The following GATAD2B variants were observed in gnomAD, a reference collection of about 807,000 sequenced individuals.
The protein encoded by GATAD2B is GATA zinc finger domain containing 2B.
In GATAD2B, 8 loss-of-function variants were observed where a neutral mutation model predicts 64.3. The observed-to-expected ratio is 0.12, with a 90% confidence interval of 0.07 to 0.22. The LOEUF (loss-of-function observed/expected upper bound fraction) is 0.22. Ranked by LOEUF, GATAD2B falls within the 10% of genes least tolerant of loss-of-function variation. GATAD2B has a pLI of 1.00. For missense variants in GATAD2B, 453 were observed against 752.0 expected, an observed-to-expected ratio of 0.60 and a Z score of 4.65; for synonymous variants, 281 against 271.3, an observed-to-expected ratio of 1.04 and a Z score of -0.35.
At chr1:153,861,389 C>T (rs896935547) in intron 1 of GATAD2B, among the ~76,000 whole-genome samples, 6 of 151,364 alleles carry the variant, frequency 4.0e-5, no homozygotes, top group South Asian at 4.2e-4. Context: ...CTGTGCCTCC[C>T]ACCCCGGGCC....
chr1:153,879,131 G>C (rs1676930276), intron 1 of GATAD2B, among the ~76,000 whole-genome samples: 1 of 152,156 alleles, frequency 6.6e-6, no homozygotes, highest in African/African-American at 2.4e-5. Context: ...AGTAAAGACA[G>C]GGTTTCACTG....
chr1:153,877,861 G>A (rs946756813), intron 1 of GATAD2B, among the ~76,000 whole-genome samples: 8 of 143,826 alleles, frequency 5.6e-5, no homozygotes, highest in Non-Finnish European at 1.2e-4. Flanking sequence ...CTGGGCAACA[G>A]AGTGAGACTC....
intron 1 of GATAD2B, among the ~76,000 whole-genome samples, chr1:153,882,044 A>G (rs1677027092): frequency 6.6e-6 from 1 of 152,124 alleles, no homozygotes; most frequent in Admixed American, 6.6e-5. Context: ...CGGGGACAGG[A>G]GGGAGGGAGA....
chr1:153,864,036 GTAA>G (rs1329094011), intron 1 of GATAD2B, among the ~76,000 whole-genome samples: 1 of 152,184 alleles, frequency 6.6e-6, no homozygotes, highest in African/African-American at 2.4e-5. Flanking sequence ...TACCATGGAA[GTAA>G]TAATAATAGG....
chr1:153,907,125 G>A (rs1677967087), intron 1 of GATAD2B, among the ~76,000 whole-genome samples: 1 of 152,176 alleles, frequency 6.6e-6, no homozygotes, highest in Non-Finnish European at 1.5e-5. Context: ...GAATTATCAT[G>A]ATCTAACAAT....
chr1:153,828,455 T>TACACACACACACACAC (rs71093290), intron 1 of GATAD2B, 107 bp from the exon 2 acceptor site: 4 of 584,302 alleles, frequency 6.8e-6, no homozygotes, highest in African/African-American at 5.8e-5. Context: ...CTCTCACACA[T>TACACACACACACACAC]ACACACACAC....
In GATAD2B at chr1:153,828,050, T is replaced by C. The variant is rs776332156; in HGVS notation, c.298A>G (p.Ile100Val). The change falls in exon 2 of 11, where the codon ATC becomes GTC. Residue 100 changes from isoleucine to valine, a missense_variant. Ile to Val is a conservative substitution (Grantham distance 29). Transcript: ENST00000368655. Reference sequence around the variant, plus strand: ...CTCATATCCACAGGCTCATCATTGATGTTTTCTTTGCCTGGCCTTCCAGCA... The same window carrying C: ...CTCATATCCACAGGCTCATCATTGACGTTTTCTTTGCCTGGCCTTCCAGCA... ...RTAGRPGKEN[I>V]NDEPVDMSAR... 3.7e-6 allele frequency: 6 copies of C among 1,614,188 alleles called. No homozygotes were observed. The highest frequency in any genetic ancestry group is 3.3e-5 in the Admixed American group (2 of 60,004).
intron 1 of GATAD2B, among the ~76,000 whole-genome samples, chr1:153,902,824 C>T (rs1043358717): frequency 1.3e-5 from 2 of 152,152 alleles, no homozygotes; most frequent in African/African-American, 4.8e-5. Context: ...TTTATATCCT[C>T]TAACGTACCT....
In GATAD2B at chr1:153,852,294, G is replaced by C. The variant is rs187537662; in HGVS notation, c.-1-23946C>G. ...CATTTTCTGCAGCTGCCCCTTGCTA[G>C]AAGTGGAGGCTGTCAGACACTTCCT... On this transcript the variant is annotated intron_variant, in intron 1 of 10. Transcript: ENST00000368655. 2.6e-4 allele frequency: 286 copies of C among 1,116,102 alleles called. No homozygotes were observed. In the East Asian group the frequency reaches 4.0e-3, roughly 16 times the overall value. The allele number at this position is 1,116,102 out of a possible 1,614,324, so 69.1% of individuals were successfully genotyped here. A position where few individuals can be genotyped will look rare whatever the true frequency, so the allele number is the denominator to read the frequency against.
At chr1:153,911,949 A>G (rs1678121156) in intron 1 of GATAD2B, among the ~76,000 whole-genome samples, 1 of 152,136 alleles carries the variant, frequency 6.6e-6, no homozygotes, top group Non-Finnish European at 1.5e-5. Flanking sequence ...CTACATTTTA[A>G]TTTTTCTATT....
intron 1 of GATAD2B, among the ~76,000 whole-genome samples, chr1:153,831,219 G>T (rs1225317512): frequency 6.6e-6 from 1 of 152,142 alleles, no homozygotes; most frequent in Non-Finnish European, 1.5e-5. Flanking sequence ...ATCAATCTCA[G>T]CAAACTAACA....
At chr1:153,877,794 C>T (rs985567448) in intron 1 of GATAD2B, among the ~76,000 whole-genome samples, 2 of 150,690 alleles carry the variant, frequency 1.3e-5, no homozygotes, top group Admixed American at 6.7e-5. Flanking sequence ...GGGAGGATCA[C>T]TTGAATCCAG....
At chr1:153,863,630 CT>C (rs572570661) in intron 1 of GATAD2B, among the ~76,000 whole-genome samples, 17 of 148,424 alleles carry the variant, frequency 1.1e-4, no homozygotes, top group African/African-American at 9.8e-5. Context: ...TTCTGTTTTT[CT>C]TTTTTTTTTC....
At chr1:153,908,069 C>T (rs1319602682) in intron 1 of GATAD2B, among the ~76,000 whole-genome samples, 1 of 152,212 alleles carries the variant, frequency 6.6e-6, no homozygotes, top group Non-Finnish European at 1.5e-5. Flanking sequence ...TCCCAAAGTG[C>T]TGGGACTACA....
intron 1 of GATAD2B, among the ~76,000 whole-genome samples, chr1:153,902,980 G>A (rs1677824209): frequency 6.6e-6 from 1 of 152,140 alleles, no homozygotes; most frequent in Non-Finnish European, 1.5e-5. Flanking sequence ...GACTTGGGGA[G>A]GCCGAGGCAG....
chr1:153,834,402 TC>T (rs1675197605), intron 1 of GATAD2B, among the ~76,000 whole-genome samples: 1 of 152,134 alleles, frequency 6.6e-6, no homozygotes, highest in Non-Finnish European at 1.5e-5. Flanking sequence ...CTTTTCTTTT[TC>T]TTTTTTTTAA....
At chr1:153,908,405 TTAAG>T (rs1211636578) in intron 1 of GATAD2B, among the ~76,000 whole-genome samples, 1 of 152,016 alleles carries the variant, frequency 6.6e-6, no homozygotes, top group Non-Finnish European at 1.5e-5. Flanking sequence ...CACAGAGAAG[TTAAG>T]TAAAAGATCT....
At chr1:153,913,359 G>A (rs1678163706) in intron 1 of GATAD2B, among the ~76,000 whole-genome samples, 1 of 152,174 alleles carries the variant, frequency 6.6e-6, no homozygotes, top group Admixed American at 6.5e-5. Context: ...ATGCCTCACA[G>A]AAGAGAAACA....
chr1:153,917,051 C>T (rs1050638166), intron 1 of GATAD2B, among the ~76,000 whole-genome samples: 2 of 150,194 alleles, frequency 1.3e-5, no homozygotes, highest in African/African-American at 4.9e-5. Flanking sequence ...CGTGATCTAC[C>T]CCCCTCGGCC....
Sources: allele counts gnomAD v4.1 joint callset (sites outside exome capture counted in the v4.1 genomes callset), GRCh38; gene constraint gnomAD v4.1.1; transcripts MANE v1.5; gene names NCBI Gene and HGNC (gene_info 2026-07-23, HGNC 2026-07-21).